Variants in ARID4A observed in about 807,000 individuals in gnomAD.
ARID4A encodes the protein AT-rich interactive domain-containing protein 4A.
In ARID4A, 39 loss-of-function variants were observed where a neutral mutation model predicts 148.6. That is an observed-to-expected ratio of 0.26 (90% CI 0.20 to 0.34). The LOEUF is 0.34. Among genes scored for constraint, ARID4A ranks in the 10% least tolerant of loss-of-function variants. The pLI is 1.00. For synonymous variants in ARID4A, 475 were observed against 481.2 expected (o/e 0.99, Z 0.17); for missense variants, 1,265 against 1,449.1 (o/e 0.87, Z 2.06).
At chr14:58,371,196 G>A (rs1191438512) in intron 23 of ARID4A, among the ~76,000 whole-genome samples, 4 of 152,064 alleles carry the variant, frequency 2.6e-5, no homozygotes, top group African/African-American at 7.2e-5. Flanking sequence ...CAGGAGGGTC[G>A]CTTGAGCCCC....
chr14:58,310,212 G>GT (rs771699823), intron 5 of ARID4A, among the ~76,000 whole-genome samples: 142 of 149,492 alleles, frequency 9.5e-4, no homozygotes, highest in Middle Eastern at 3.4e-3. Flanking sequence ...GATTCCTGGA[G>GT]TTTTTTTTTG....
intron 11 of ARID4A, among the ~76,000 whole-genome samples, chr14:58,330,983 A>G (rs1241801736): frequency 2.0e-5 from 3 of 152,216 alleles, no homozygotes; most frequent in Non-Finnish European, 4.4e-5. Flanking sequence ...GAATTTACTG[A>G]AAAGGGGGAC....
intron 11 of ARID4A, among the ~76,000 whole-genome samples, chr14:58,335,311 C>CTTT (rs71448948): frequency 2.2e-5 from 3 of 137,724 alleles, no homozygotes; most frequent in South Asian, 2.4e-4. Context: ...AGGATTTTAT[C>CTTT]TTTTTTTTTT....
At chr14:58,320,750 G>A (rs976793790) in intron 7 of ARID4A, among the ~76,000 whole-genome samples, 1 of 152,052 alleles carries the variant, frequency 6.6e-6, no homozygotes, top group African/African-American at 2.4e-5. Context: ...TGGGACTACA[G>A]TCGTCCACCA....
At position 58,356,699 on chromosome 14, in the gene ARID4A, A is replaced by ATT. The variant is rs1174156900; in HGVS notation, c.1854-2413_1854-2412dup. ...AGAAGCCATGGAATTTTGAATTTTG[A>ATT]TTTTTTTTTTTTTTTTTTTTTAAGA... On this transcript the variant is annotated intron_variant, in intron 17 of 23. Coordinates refer to ENST00000355431, the MANE Select transcript of ARID4A (RefSeq NM_002892.4). Among the ~76,000 whole-genome samples, 68 of 128,058 alleles carry ATT rather than the reference A, an allele frequency of 5.3e-4. 1 individual carries two copies. Among genetic ancestry groups the ATT allele is most frequent in the African/African-American group, 1.5e-3 (53 of 35,078 alleles). The allele number at this position is 128,058 out of a possible 152,430, so 84.0% of individuals were successfully genotyped here.
At chr14:58,299,758 G>C in intron 1 of ARID4A, 40 bp from the exon 2 acceptor site, 1 of 1,552,680 alleles carries the variant, frequency 6.4e-7, no homozygotes, top group Non-Finnish European at 8.9e-7. Flanking sequence ...CCCCGCAGTT[G>C]ACTGATTATG....
chr14:58,330,585 C>T (rs2033468637), intron 11 of ARID4A, among the ~76,000 whole-genome samples: 1 of 152,096 alleles, frequency 6.6e-6, no homozygotes, highest in Non-Finnish European at 1.5e-5. Flanking sequence ...CCCAAGCTGG[C>T]ACAACTAAAA....
chr14:58,339,082 A>T (rs2140214618), intron 11 of ARID4A, among the ~76,000 whole-genome samples: 1 of 148,204 alleles, frequency 6.7e-6, no homozygotes, highest in African/African-American at 2.5e-5. Context: ...CTCCCACCTT[A>T]GCCTCCTGAG....
At chr14:58,326,671 A>G (rs1428323370) in intron 8 of ARID4A, among the ~76,000 whole-genome samples, 2 of 152,220 alleles carry the variant, frequency 1.3e-5, no homozygotes, top group Non-Finnish European at 2.9e-5. Context: ...TGAATGAAGA[A>G]TGGCGTGTTA....
intron 5 of ARID4A, among the ~76,000 whole-genome samples, chr14:58,314,570 C>T (rs1350691038): frequency 2.0e-5 from 3 of 152,092 alleles, no homozygotes; most frequent in Non-Finnish European, 2.9e-5. Context: ...GGACTACAAG[C>T]ACCTGCCACC....
intron 11 of ARID4A, among the ~76,000 whole-genome samples, chr14:58,340,457 C>G (rs1053431992): frequency 6.6e-6 from 1 of 152,180 alleles, no homozygotes; most frequent in Non-Finnish European, 1.5e-5. Flanking sequence ...TCAGGTGATT[C>G]TCCTGTCTCA....
At chr14:58,325,883 T>A (rs997200543) in intron 8 of ARID4A, among the ~76,000 whole-genome samples, 6 of 152,242 alleles carry the variant, frequency 3.9e-5, no homozygotes, top group Admixed American at 1.3e-4. Flanking sequence ...CAAATTCTTT[T>A]ATTTACTCAG....
At chr14:58,323,029 G>A (rs2140174991) in intron 7 of ARID4A, among the ~76,000 whole-genome samples, 1 of 143,346 alleles carries the variant, frequency 7.0e-6, no homozygotes. Context: ...GAAACTTAAG[G>A]GTAAACTTTA....
intron 16 of ARID4A, 60 bp downstream of exon 16, chr14:58,351,383 T>C: frequency 6.5e-7 from 1 of 1,541,846 alleles, no homozygotes; most frequent in Non-Finnish European, 8.7e-7. Context: ...AGCGCTTTGT[T>C]CCTGCTTAGA....
chr14:58,320,225 C>T (rs1409763761), intron 7 of ARID4A, among the ~76,000 whole-genome samples: 1 of 151,906 alleles, frequency 6.6e-6, no homozygotes, highest in African/African-American at 2.4e-5. Context: ...GGATTACAGG[C>T]GTGAGCCACC....
At chr14:58,356,188 A>G (rs180757417) in intron 17 of ARID4A, among the ~76,000 whole-genome samples, 6 of 152,336 alleles carry the variant, frequency 3.9e-5, no homozygotes, top group Admixed American at 3.9e-4. Flanking sequence ...AGAAGTACCT[A>G]CATGATATAT....
At chr14:58,370,391 G>C (rs978891191) in intron 23 of ARID4A, among the ~76,000 whole-genome samples, 1 of 152,114 alleles carries the variant, frequency 6.6e-6, no homozygotes, top group African/African-American at 2.4e-5. Context: ...CCGCCTCCCG[G>C]GTTCAAGCCA....
At chr14:58,308,422 C>T (rs984880127) in intron 5 of ARID4A, among the ~76,000 whole-genome samples, 10 of 152,258 alleles carry the variant, frequency 6.6e-5, no homozygotes, top group Admixed American at 5.9e-4. Flanking sequence ...GTAGTTCACA[C>T]TTATAAAAAC....
intron 23 of ARID4A, among the ~76,000 whole-genome samples, chr14:58,369,363 C>T (rs535148729): frequency 2.2e-4 from 34 of 152,128 alleles, no homozygotes; most frequent in African/African-American, 7.5e-4. Flanking sequence ...CAGCGGCTCA[C>T]GCCTGTAATC....
Sources: allele counts gnomAD v4.1 joint callset (sites outside exome capture counted in the v4.1 genomes callset), GRCh38; gene constraint gnomAD v4.1.1; transcripts MANE v1.5; gene names NCBI Gene and HGNC (gene_info 2026-07-23, HGNC 2026-07-21).